DYNC2H1: variants seen among roughly 807,000 people sequenced by gnomAD.
DYNC2H1 encodes cytoplasmic dynein 2 heavy chain 1.
In DYNC2H1, 410 loss-of-function variants were observed where a neutral mutation model predicts 570.0. That is an observed-to-expected ratio of 0.72 (90% CI 0.66 to 0.78). DYNC2H1 has a LOEUF of 0.78. DYNC2H1 is among the 30% of genes least tolerant of loss of function. DYNC2H1 has a pLI of 0.00. For synonymous variants in DYNC2H1, 1,688 were observed against 1,677.6 expected (o/e 1.01, Z -0.15); for missense variants, 4,865 against 5,046.4 (o/e 0.96, Z 1.09).
At chr11:103,425,108 T>C (rs1421092362) in intron 84 of DYNC2H1, among the ~76,000 whole-genome samples, 1 of 152,084 alleles carries the variant, frequency 6.6e-6, no homozygotes, top group Non-Finnish European at 1.5e-5. Flanking sequence ...GCTAATTTTT[T>C]TATTTTCTGT....
At position 103,175,535 on chromosome 11, in the gene DYNC2H1, G is replaced by A. The variant is rs1402731261; in HGVS notation, c.5675-700G>A. Among the ~76,000 whole-genome samples, 4 of 152,296 alleles carry A rather than the reference G, an allele frequency of 2.6e-5. No individual in the cohort carries two copies. The East Asian group carries it at 7.7e-4, about 29-fold the overall frequency. ...AATATTAAGCAATTATAGAGGAAAT[G>A]CCAGGCAAATAGTTTCTTTGACTTT... On this transcript the variant is annotated intron_variant, in intron 36 of 88. Transcript: ENST00000375735.
At chr11:103,111,269 A>T (rs1858099652) in intron 1 of DYNC2H1, among the ~76,000 whole-genome samples, 2 of 152,270 alleles carry the variant, frequency 1.3e-5, no homozygotes, top group African/African-American at 4.8e-5. Context: ...GTTTACAAAG[A>T]TATAAAAAGG....
intron 87 of DYNC2H1, among the ~76,000 whole-genome samples, chr11:103,462,259 T>C (rs1027894255): frequency 2.6e-5 from 4 of 152,174 alleles, no homozygotes; most frequent in Admixed American, 2.6e-4. Context: ...CCTCTGTCTC[T>C]CATTCCTTAT....
intron 80 of DYNC2H1, 49 bp from the exon 81 acceptor site, chr11:103,320,980 A>T: frequency 7.2e-7 from 1 of 1,391,374 alleles, no homozygotes; most frequent in Non-Finnish European, 9.9e-7. Flanking sequence ...GCAGGAATTT[A>T]GTTAATATTT....
intron 42 of DYNC2H1, 58 bp from the exon 43 acceptor site, chr11:103,187,282 A>G: frequency 6.2e-7 from 1 of 1,600,040 alleles, no homozygotes; most frequent in Non-Finnish European, 8.5e-7. Context: ...TATTGAGTAT[A>G]AAATGTATTT....
chr11:103,296,447 C>T (rs1450678904), intron 75 of DYNC2H1, among the ~76,000 whole-genome samples: 1 of 152,184 alleles, frequency 6.6e-6, no homozygotes, highest in East Asian at 1.9e-4. Flanking sequence ...GTATAATACA[C>T]ATCTAAGAAT....
chr11:103,324,006 G>A lies in DYNC2H1; in HGVS notation c.12039+16G>A. The A allele has an allele frequency of 1.3e-6, 2 of 1,567,018 alleles. No individual in the cohort carries two copies. The highest frequency in any genetic ancestry group is 1.7e-6 in the Non-Finnish European group (2 of 1,159,436). ...CAGTTCTCAGGTAACCTAAAAAAAA[G>A]ATCTACCTTCAAAAAAAGTTGCTAG... On this transcript the variant is annotated intron_variant, in intron 82 of 88. Transcript: ENST00000375735. The surrounding 1 kb of genome is among the most constrained non-coding windows in gnomAD (Gnocchi z 5.2).
chr11:103,148,733 C>A, intron 20 of DYNC2H1, 116 bp downstream of exon 20: 1 of 1,276,948 alleles, frequency 7.8e-7, no homozygotes. Context: ...ATAAGGAGGT[C>A]CACAATAGTC....
At chr11:103,451,072 A>C (rs1944580578) in intron 85 of DYNC2H1, among the ~76,000 whole-genome samples, 1 of 152,010 alleles carries the variant, frequency 6.6e-6, no homozygotes, top group Admixed American at 6.6e-5. Flanking sequence ...TTTCCTAAAC[A>C]TTTTCCAATT....
chr11:103,298,794 A>T (rs942792612), intron 75 of DYNC2H1, among the ~76,000 whole-genome samples: 1 of 152,134 alleles, frequency 6.6e-6, no homozygotes, highest in Non-Finnish European at 1.5e-5. Flanking sequence ...AAAGATCTTT[A>T]TTAAGTTTTA....
At chr11:103,383,096 G>A (rs911921387) in intron 83 of DYNC2H1, among the ~76,000 whole-genome samples, 34 of 152,176 alleles carry the variant, frequency 2.2e-4, no homozygotes, top group African/African-American at 7.0e-4. Context: ...CAGAAGTACT[G>A]ATGTGTTTGA....
intron 82 of DYNC2H1, among the ~76,000 whole-genome samples, chr11:103,330,136 T>G (rs1346517105): frequency 6.6e-6 from 1 of 152,212 alleles, no homozygotes; most frequent in Non-Finnish European, 1.5e-5. Flanking sequence ...GAATTCAGTT[T>G]AGTGGGGAGA....
intron 88 of DYNC2H1, among the ~76,000 whole-genome samples, chr11:103,475,837 A>G (rs1945531124): frequency 6.6e-6 from 1 of 152,212 alleles, no homozygotes; most frequent in Non-Finnish European, 1.5e-5. Context: ...TAATTTAAAG[A>G]GAAATAGTCT....
chr11:103,462,690 C>G (rs772375361), intron 87 of DYNC2H1, among the ~76,000 whole-genome samples: 1 of 152,110 alleles, frequency 6.6e-6, no homozygotes, highest in Non-Finnish European at 1.5e-5. Flanking sequence ...TCAAAAGATG[C>G]TGTTGATAGT....
At chr11:103,258,114 G>T (rs1427484150) in intron 69 of DYNC2H1, among the ~76,000 whole-genome samples, 2 of 152,230 alleles carry the variant, frequency 1.3e-5, no homozygotes, top group Non-Finnish European at 2.9e-5. Context: ...TATCCTTGTT[G>T]TTTAAGGCAG....
chr11:103,297,904 A>G (rs1866901369), intron 75 of DYNC2H1, among the ~76,000 whole-genome samples: 1 of 152,096 alleles, frequency 6.6e-6, no homozygotes, highest in Admixed American at 6.6e-5. Context: ...TATATCCAGA[A>G]TCCAGTCACT....
At chr11:103,127,528 A>G (rs1859061549) in intron 12 of DYNC2H1, among the ~76,000 whole-genome samples, 1 of 152,316 alleles carries the variant, frequency 6.6e-6, no homozygotes, top group South Asian at 2.1e-4. Context: ...TACATGTATT[A>G]GTGGAAAGAA....
intron 29 of DYNC2H1, among the ~76,000 whole-genome samples, chr11:103,161,889 A>G (rs763784026): frequency 2.0e-5 from 3 of 152,322 alleles, no homozygotes; most frequent in South Asian, 2.1e-4. Flanking sequence ...ATTTCAAATT[A>G]TCTTCCACCT....
chr11:103,262,804 A>T (rs1370142675), intron 70 of DYNC2H1, among the ~76,000 whole-genome samples: 1 of 152,042 alleles, frequency 6.6e-6, no homozygotes, highest in Non-Finnish European at 1.5e-5. Flanking sequence ...TAACAGGCAA[A>T]ATAACCAGCA....
Sources: gnomAD v4.1 joint callset for allele counts (sites outside exome capture counted in the v4.1 genomes callset) on GRCh38, gnomAD v4.1.1 for gene constraint, Gnocchi (gnomAD v3.1) non-coding constraint, MANE v1.5 for transcripts, NCBI Gene and HGNC (gene_info 2026-07-23, HGNC 2026-07-21) for gene names.